ST8SIA1: variants seen among roughly 807,000 people sequenced by gnomAD.
ST8SIA1 encodes the protein ST8 alpha-N-acetyl-neuraminide alpha-2,8-sialyltransferase 1.
A neutral mutation model predicts 35.9 loss-of-function variants in ST8SIA1; 16 were observed. The ratio of observed to expected loss-of-function variants is 0.45; its 90% confidence interval spans 0.30 to 0.68. The LOEUF (loss-of-function observed/expected upper bound fraction) is 0.68. Ranked by LOEUF, ST8SIA1 falls within the 30% of genes least tolerant of loss-of-function variation. The pLI, the probability that ST8SIA1 is intolerant of heterozygous loss-of-function variation, is 0.09. For synonymous variants in ST8SIA1, 170 were observed against 169.6 expected, an observed-to-expected ratio of 1.00 and a Z score of -0.02; for missense variants, 383 against 453.6, an observed-to-expected ratio of 0.84 and a Z score of 1.41.
chr12:22,277,858 G>A (rs1022912116), intron 2 of ST8SIA1, among the ~76,000 whole-genome samples: 2 of 152,152 alleles, frequency 1.3e-5, no homozygotes, highest in African/African-American at 4.8e-5. Context: ...AGACGATAGT[G>A]TCATTACCTG....
At chr12:22,265,713 G>A (rs562235933) in intron 2 of ST8SIA1, among the ~76,000 whole-genome samples, 27 of 152,054 alleles carry the variant, frequency 1.8e-4, no homozygotes, top group Non-Finnish European at 3.1e-4. Context: ...TAATATCTAC[G>A]TAACACCTCC....
intron 1 of ST8SIA1, chr12:22,326,179 AC>A (rs1164188256): frequency 2.9e-6 from 1 of 340,190 alleles, no homozygotes; most frequent in Non-Finnish European, 5.3e-6. Context: ...ATCAGGGACC[AC>A]GTTCTTGTAT....
chr12:22,292,674 T>G (rs995059341), intron 1 of ST8SIA1, among the ~76,000 whole-genome samples: 1 of 152,234 alleles, frequency 6.6e-6, no homozygotes, highest in East Asian at 1.9e-4. Context: ...ATGTTCTCAC[T>G]TATAAGTGGA....
At chr12:22,332,266 T>C (rs1866777715) in intron 1 of ST8SIA1, among the ~76,000 whole-genome samples, 1 of 152,140 alleles carries the variant, frequency 6.6e-6, no homozygotes, top group African/African-American at 2.4e-5. Context: ...ACACTGAAAA[T>C]TACTCCAGGC....
chr12:22,274,794 G>T (rs1323002532), intron 2 of ST8SIA1, among the ~76,000 whole-genome samples: 1 of 152,126 alleles, frequency 6.6e-6, no homozygotes, highest in African/African-American at 2.4e-5. Context: ...AAGGTTTTGG[G>T]AAAAGCAACC....
chr12:22,266,023 A>C (rs912760844), intron 2 of ST8SIA1, among the ~76,000 whole-genome samples: 1 of 151,912 alleles, frequency 6.6e-6, no homozygotes, highest in African/African-American at 2.4e-5. Context: ...TTATCTATGC[A>C]TACACCCAAT....
At chr12:22,252,423 G>A (rs1257293016) in intron 3 of ST8SIA1, among the ~76,000 whole-genome samples, 1 of 152,124 alleles carries the variant, frequency 6.6e-6, no homozygotes, top group Non-Finnish European at 1.5e-5. Flanking sequence ...TAATAGATCT[G>A]CAAATGGTCA....
At chr12:22,327,814 G>A (rs1591859869) in intron 1 of ST8SIA1, among the ~76,000 whole-genome samples, 1 of 152,236 alleles carries the variant, frequency 6.6e-6, no homozygotes, top group East Asian at 1.9e-4. Flanking sequence ...GCCTCTTCCA[G>A]GAGGCCTTCT....
intron 1 of ST8SIA1, among the ~76,000 whole-genome samples, chr12:22,318,325 C>T (rs1433923242): frequency 6.6e-6 from 1 of 152,160 alleles, no homozygotes; most frequent in Non-Finnish European, 1.5e-5. Flanking sequence ...CAGAAGTCTC[C>T]ACACGATTCA....
At chr12:22,247,045 T>C (rs1865612451) in intron 4 of ST8SIA1, among the ~76,000 whole-genome samples, 1 of 152,174 alleles carries the variant, frequency 6.6e-6, no homozygotes, top group Non-Finnish European at 1.5e-5. Flanking sequence ...TTTGTATTTA[T>C]ATTTTTTCCC....
chr12:22,207,550 A>G lies in ST8SIA1; in HGVS notation c.585-5512T>C, dbSNP rs184706420. Among the ~76,000 whole-genome samples the G allele has an allele frequency of 3.8e-4, 58 of 152,306 alleles. 1 individual carries two copies. In the East Asian group the frequency reaches 9.1e-3, roughly 24 times the overall value. On this transcript the variant is annotated intron_variant, in intron 4 of 4. Coordinates refer to ENST00000396037, the MANE Select transcript of ST8SIA1 (RefSeq NM_003034.4). ...TTGGGGGAGTGGGGGGCGGTCTGAG[A>G]CAGGAGATTGCTGCTTTTCAGTTTG...
intron 2 of ST8SIA1, among the ~76,000 whole-genome samples, chr12:22,281,639 T>A (rs555485443): frequency 6.6e-6 from 1 of 152,170 alleles, no homozygotes; most frequent in East Asian, 1.9e-4. Flanking sequence ...TTGTATAGGA[T>A]TCCATATCCT....
intron 2 of ST8SIA1, among the ~76,000 whole-genome samples, chr12:22,274,199 C>G (rs951062740): frequency 1.2e-4 from 18 of 152,156 alleles, no homozygotes; most frequent in African/African-American, 3.6e-4. Context: ...GAGATCAAGC[C>G]TTAAGGGGTT....
intron 2 of ST8SIA1, among the ~76,000 whole-genome samples, chr12:22,261,339 G>T (rs1865789426): frequency 6.6e-6 from 1 of 152,036 alleles, no homozygotes; most frequent in African/African-American, 2.4e-5. Flanking sequence ...TAGAGACGGG[G>T]TTTCACCATG....
At position 22,199,734 on chromosome 12, in the gene ST8SIA1, T is replaced by C. The variant is rs1865029672; in HGVS notation, c.*1818A>G. 6.6e-6 allele frequency: 1 copy of C among 152,236 alleles called. No homozygotes were observed. The highest frequency in any genetic ancestry group is 1.5e-5 in the Non-Finnish European group (1 of 68,048). The allele number at this position is 152,236 out of a possible 1,614,324, so 9.4% of individuals were successfully genotyped here. On this transcript the variant is annotated 3_prime_UTR_variant, in exon 5 of 5. Transcript: ENST00000396037. ...TAGAATTTTGCCAAGGGCTTTCCTA[T>C]GTTTATGTCATGTTAAATTAACCCA... is the stretch of plus-strand genomic sequence containing the variant.
chr12:22,223,794 G>A (rs1332390132), intron 4 of ST8SIA1: 1 of 1,250,142 alleles, frequency 8.0e-7, no homozygotes, highest in Admixed American at 2.8e-5. Context: ...ACCCATTTAT[G>A]CTTAGGCTAG....
intron 1 of ST8SIA1, among the ~76,000 whole-genome samples, chr12:22,293,358 C>T (rs773950727): frequency 3.3e-5 from 5 of 152,244 alleles, no homozygotes; most frequent in Non-Finnish European, 5.9e-5. Flanking sequence ...CAAATTTAAT[C>T]TTGTCTCCCC....
intron 1 of ST8SIA1, among the ~76,000 whole-genome samples, chr12:22,327,941 C>G (rs537350945): frequency 1.3e-5 from 2 of 152,164 alleles, no homozygotes; most frequent in Non-Finnish European, 2.9e-5. Flanking sequence ...TAAATCCTGT[C>G]GATAGGGCAG....
chr12:22,230,501 C>T (rs963494410), intron 4 of ST8SIA1, among the ~76,000 whole-genome samples: 3 of 152,136 alleles, frequency 2.0e-5, no homozygotes, highest in Non-Finnish European at 2.9e-5. Flanking sequence ...GGATTCCTTT[C>T]CAATCCCCCG....
Sources: allele counts gnomAD v4.1 joint callset (sites outside exome capture counted in the v4.1 genomes callset), GRCh38; gene constraint gnomAD v4.1.1; transcripts MANE v1.5; gene names NCBI Gene and HGNC (gene_info 2026-07-23, HGNC 2026-07-21).